Variants in ELAVL3 observed in about 807,000 individuals in gnomAD.
The protein encoded by ELAVL3 is ELAV-like protein 3.
In ELAVL3, 8 loss-of-function variants were observed where a neutral mutation model predicts 34.2. The observed-to-expected ratio is 0.23, with a 90% CI of 0.14 to 0.42. The LOEUF (loss-of-function observed/expected upper bound fraction) is 0.42. ELAVL3 is among the 10% of genes least tolerant of loss of function. The pLI is 1.00. For missense variants in ELAVL3, 273 were observed against 518.8 expected (o/e 0.53, Z 4.60); for synonymous variants, 209 against 222.1 (o/e 0.94, Z 0.53).
intron 3 of ELAVL3, among the ~76,000 whole-genome samples, chr19:11,459,267 C>T (rs576268112): frequency 7.2e-5 from 11 of 151,932 alleles, no homozygotes; most frequent in Non-Finnish European, 1.3e-4. Flanking sequence ...GGATTACAGG[C>T]GCCCACCACC....
In ELAVL3 at chr19:11,458,727, A is replaced by G; in HGVS notation, c.334-116T>C. The G allele has an allele frequency of 7.4e-7, 1 of 1,356,484 alleles. No individual in the cohort carries two copies. Among genetic ancestry groups the G allele is most frequent in the Non-Finnish European group, 1.0e-6 (1 of 984,132 alleles). 84.0% of individuals were successfully genotyped at this position (1,356,484 alleles called of 1,614,324 possible). ...AGCAGAAGTGACCCATCCGTCACTC[A>G]ATAAGTATCTCTAGAGTTGTCACCG... On this transcript the variant is annotated intron_variant, in intron 3 of 6. Transcript: ENST00000359227. The surrounding 1 kb of genome is among the most constrained non-coding windows in gnomAD (Gnocchi z 7.3).
chr19:11,479,140 C>T (rs769093668), intron 1 of ELAVL3, among the ~76,000 whole-genome samples: 1 of 152,108 alleles, frequency 6.6e-6, no homozygotes, highest in Non-Finnish European at 1.5e-5. Flanking sequence ...GATCAGAGGA[C>T]GCTTAGGAGA....
intron 3 of ELAVL3, among the ~76,000 whole-genome samples, chr19:11,463,829 T>C (rs1970941449): frequency 6.6e-6 from 1 of 151,364 alleles, no homozygotes; most frequent in South Asian, 2.1e-4. Flanking sequence ...ATTAGCCAGG[T>C]GTGGTGGCGG....
intron 1 of ELAVL3, among the ~76,000 whole-genome samples, chr19:11,473,148 G>A (rs1426681640): frequency 6.6e-6 from 1 of 151,842 alleles, no homozygotes; most frequent in African/African-American, 2.4e-5. Context: ...TGTGGATCAC[G>A]AGATCAGGAG....
rs1292347312 is a variant in ELAVL3, at chr19:11,451,630, C to G, written c.*2896G>C. 1 of 151,816 alleles carries G rather than the reference C, an allele frequency of 6.6e-6. No homozygotes were observed. Among genetic ancestry groups the G allele is most frequent in the Non-Finnish European group, 1.5e-5 (1 of 67,866 alleles). 9.4% of individuals were successfully genotyped at this position (151,816 alleles called of 1,614,324 possible). A position where few individuals can be genotyped will look rare whatever the true frequency, so the allele number is the denominator to read the frequency against. On this transcript the variant is annotated 3_prime_UTR_variant, in exon 7 of 7. Coordinates refer to ENST00000359227, the MANE Select transcript of ELAVL3 (RefSeq NM_001420.4). Reference sequence around the variant, plus strand: ...AGCCCCCTCCCCCCTGGCCTGGCCCCTGCCCCCCAGGGACGTGGAAGCCCC... The same window carrying G: ...AGCCCCCTCCCCCCTGGCCTGGCCCGTGCCCCCCAGGGACGTGGAAGCCCC...
chr19:11,457,218 G>GGCCAGC, intron 5 of ELAVL3, 70 bp from the exon 6 acceptor site: 1 of 1,468,658 alleles, frequency 6.8e-7, no homozygotes, highest in Non-Finnish European at 9.1e-7. Flanking sequence ...CCGTCGGCCT[G>GGCCAGC]CCCTCCCCAC....
At chr19:11,463,831 T>G (rs1358163641) in intron 3 of ELAVL3, among the ~76,000 whole-genome samples, 4 of 151,710 alleles carry the variant, frequency 2.6e-5, no homozygotes, top group Admixed American at 1.3e-4. Flanking sequence ...TAGCCAGGTG[T>G]GGTGGCGGGT....
intron 1 of ELAVL3, among the ~76,000 whole-genome samples, chr19:11,467,420 C>G (rs1971076772): frequency 6.6e-6 from 1 of 152,010 alleles, no homozygotes; most frequent in African/African-American, 2.4e-5. Flanking sequence ...GAAATTCCAT[C>G]TTAAAAATAA....
intron 3 of ELAVL3, among the ~76,000 whole-genome samples, chr19:11,460,011 C>T (rs541428943): frequency 5.9e-5 from 9 of 152,174 alleles, no homozygotes; most frequent in African/African-American, 2.2e-4. Flanking sequence ...AGTCTGCACC[C>T]CTGGTGGCAA....
chr19:11,463,976 A>G (rs1230068772), intron 3 of ELAVL3, among the ~76,000 whole-genome samples: 2 of 148,226 alleles, frequency 1.3e-5, no homozygotes, highest in African/African-American at 5.0e-5. Context: ...CTCAAAAAAA[A>G]CCCCAAAAAA....
At chr19:11,464,151 CTA>C (rs1164328564) in intron 3 of ELAVL3, among the ~76,000 whole-genome samples, 45 of 86,456 alleles carry the variant, frequency 5.2e-4, no homozygotes, top group Non-Finnish European at 7.6e-4. Flanking sequence ...CTCTCTCTCT[CTA>C]TATATATATA....
chr19:11,463,108 G>C (rs933424416), intron 3 of ELAVL3, among the ~76,000 whole-genome samples: 5 of 152,116 alleles, frequency 3.3e-5, no homozygotes, highest in African/African-American at 1.2e-4. Flanking sequence ...TTGGGGGTAA[G>C]ATCCTGGGTG....
intron 1 of ELAVL3, among the ~76,000 whole-genome samples, chr19:11,479,154 T>C (rs1020078569): frequency 3.3e-4 from 50 of 152,294 alleles, no homozygotes; most frequent in African/African-American, 1.1e-3. Flanking sequence ...TAGGAGATGC[T>C]GGACTGTTGC....
At position 11,453,165 on chromosome 19, in the gene ELAVL3, A is replaced by G. The variant is rs1408737018; in HGVS notation, c.*1361T>C. ...CAGGGGGAGGCTGAGCCCCGGGGAC[A>G]GGGGTGTCCTTTGGCCTCAAGTGTT... On this transcript the variant is annotated 3_prime_UTR_variant, in exon 7 of 7. Coordinates refer to ENST00000359227, the MANE Select transcript of ELAVL3 (RefSeq NM_001420.4). 1 of 141,166 alleles carries G rather than the reference A, an allele frequency of 7.1e-6. No homozygotes were observed. The highest frequency in any genetic ancestry group is 2.2e-4 in the East Asian group (1 of 4,518). The allele number at this position is 141,166 out of a possible 1,614,324, so 8.7% of individuals were successfully genotyped here. A position where few individuals can be genotyped will look rare whatever the true frequency, so the allele number is the denominator to read the frequency against.
At chr19:11,465,515 A>G (rs1232447242) in intron 3 of ELAVL3, among the ~76,000 whole-genome samples, 3 of 95,240 alleles carry the variant, frequency 3.1e-5, no homozygotes, top group African/African-American at 1.2e-4. Context: ...CCCAATCCCC[A>G]ACCCCCCACA....
Position 11,451,573 on chromosome 19 carries a change from ATAAC to A in ELAVL3, c.*2949_*2952del, listed in dbSNP as rs1970634726. 6.7e-6 allele frequency: 1 copy of A among 149,310 alleles called. No individual in the cohort carries two copies. Among genetic ancestry groups the A allele is most frequent in the South Asian group, 2.1e-4 (1 of 4,784 alleles). 9.2% of individuals were successfully genotyped at this position (149,310 alleles called of 1,614,324 possible). A position where few individuals can be genotyped will look rare whatever the true frequency, so the allele number is the denominator to read the frequency against. ...TCGTGATTTGAAACCTTCCGAATAA[ATAAC>A]AGGATGAAGGGAGGGGTGGAGGGGC... On this transcript the variant is annotated 3_prime_UTR_variant, in exon 7 of 7. Transcript: ENST00000359227.
At chr19:11,456,831 T>C (rs1970778298) in intron 6 of ELAVL3, among the ~76,000 whole-genome samples, 1 of 151,930 alleles carries the variant, frequency 6.6e-6, no homozygotes, top group African/African-American at 2.4e-5. Context: ...ATCAGGCTAA[T>C]CCTTAAAAAA....
chr19:11,469,579 C>T (rs939742637), intron 1 of ELAVL3, among the ~76,000 whole-genome samples: 5 of 152,070 alleles, frequency 3.3e-5, no homozygotes, highest in Admixed American at 3.3e-4. Flanking sequence ...CGTGCCCAGC[C>T]GTTAATTGAT....
At chr19:11,464,165 A>AT (rs1463453278) in intron 3 of ELAVL3, among the ~76,000 whole-genome samples, 20 of 111,068 alleles carry the variant, frequency 1.8e-4, no homozygotes, top group South Asian at 5.5e-4. Flanking sequence ...ATATATATAT[A>AT]TATTTTTTTT....
Sources: gnomAD v4.1 joint callset for allele counts (sites outside exome capture counted in the v4.1 genomes callset) on GRCh38, gnomAD v4.1.1 for gene constraint, Gnocchi (gnomAD v3.1) non-coding constraint, MANE v1.5 for transcripts, NCBI Gene and HGNC (gene_info 2026-07-23, HGNC 2026-07-21) for gene names.